TRIM9: variants seen among roughly 807,000 people sequenced by gnomAD.
The protein encoded by TRIM9 is tripartite motif containing 9.
Under a neutral mutation model 78.3 loss-of-function variants are expected in TRIM9, and 26 were observed. The observed-to-expected ratio is 0.33, with a 90% confidence interval of 0.24 to 0.46. The LOEUF (loss-of-function observed/expected upper bound fraction) is 0.46, where lower values mean the gene tolerates loss of function less well. Ranked by LOEUF, TRIM9 falls within the 20% of genes least tolerant of loss-of-function variation. The pLI is 1.00. For missense variants in TRIM9, 787 were observed against 1,036.4 expected (o/e 0.76, Z 3.30); for synonymous variants, 398 against 416.5 (o/e 0.96, Z 0.54).
intron 7 of TRIM9, chr14:50,996,669 C>T (rs2054246472): frequency 1.0e-6 from 1 of 985,390 alleles, no homozygotes; most frequent in Non-Finnish European, 1.2e-6. Context: ...TCTTGGAGGG[C>T]TTTAGCAGTT....
At chr14:51,016,727 G>A (rs1032083711) in intron 3 of TRIM9, among the ~76,000 whole-genome samples, 3 of 152,036 alleles carry the variant, frequency 2.0e-5, no homozygotes, top group Admixed American at 1.3e-4. Context: ...TGTACTCCAT[G>A]GAAAACAACT....
chr14:51,039,755 C>CT (rs34171875), intron 1 of TRIM9, among the ~76,000 whole-genome samples: 42,968 of 147,768 alleles, frequency 0.29, 6,538 homozygotes, highest in Non-Finnish European at 0.35. Flanking sequence ...TTTAAATAAA[C>CT]TTTTTTTTTT....
At chr14:50,980,841 A>G (rs574033332) in intron 11 of TRIM9, among the ~76,000 whole-genome samples, 62 of 152,384 alleles carry the variant, frequency 4.1e-4, no homozygotes, top group African/African-American at 1.5e-3. Context: ...GAAGCTATCC[A>G]AGGGAAAAGG....
intron 1 of TRIM9, among the ~76,000 whole-genome samples, chr14:51,083,839 A>G (rs1404075955): frequency 6.6e-6 from 1 of 152,214 alleles, no homozygotes; most frequent in Non-Finnish European, 1.5e-5. Context: ...TTTAACCAAA[A>G]TAGTATTTAG....
intron 1 of TRIM9, among the ~76,000 whole-genome samples, chr14:51,026,629 A>G (rs1343989290): frequency 6.6e-6 from 1 of 152,124 alleles, no homozygotes; most frequent in Admixed American, 6.5e-5. Context: ...TTAAAATTAT[A>G]TCTCTTGGTG....
chr14:51,039,608 T>A (rs1241767315), intron 1 of TRIM9, among the ~76,000 whole-genome samples: 2 of 152,196 alleles, frequency 1.3e-5, no homozygotes, highest in African/African-American at 4.8e-5. Flanking sequence ...CCAGGTTGAC[T>A]GGCAAGTGTC....
intron 1 of TRIM9, among the ~76,000 whole-genome samples, chr14:51,083,872 T>C (rs562995301): frequency 2.6e-5 from 4 of 152,254 alleles, no homozygotes; most frequent in Non-Finnish European, 5.9e-5. Context: ...GACTTGAGAG[T>C]TAAACAGCGT....
chr14:50,981,008 G>A (rs1313533937), intron 11 of TRIM9, among the ~76,000 whole-genome samples: 5 of 150,870 alleles, frequency 3.3e-5, no homozygotes, highest in Admixed American at 1.3e-4. Flanking sequence ...AGACACTAAT[G>A]AGAATGTATC....
At chr14:51,071,639 C>A (rs1001576073) in intron 1 of TRIM9, among the ~76,000 whole-genome samples, 3 of 151,358 alleles carry the variant, frequency 2.0e-5, no homozygotes, top group African/African-American at 4.9e-5. Flanking sequence ...TTTGTCTCTA[C>A]TAAAAATAAA....
chr14:51,036,653 G>C (rs1457194063), intron 1 of TRIM9, among the ~76,000 whole-genome samples: 1 of 152,170 alleles, frequency 6.6e-6, no homozygotes, highest in Non-Finnish European at 1.5e-5. Flanking sequence ...GTCTTGACAT[G>C]ATCAGTACAG....
intron 1 of TRIM9, among the ~76,000 whole-genome samples, chr14:51,087,055 C>T (rs1476938069): frequency 6.6e-6 from 1 of 152,034 alleles, no homozygotes; most frequent in Non-Finnish European, 1.5e-5. Flanking sequence ...GCAGGTGTAA[C>T]TCTGGTAGGT....
intron 7 of TRIM9, chr14:50,996,780 A>G (rs751252827): frequency 4.1e-6 from 4 of 985,310 alleles, no homozygotes; most frequent in Admixed American, 6.1e-5. Context: ...TGTAGCTACC[A>G]CATCACTGTA....
intron 6 of TRIM9, among the ~76,000 whole-genome samples, chr14:51,000,385 G>A (rs958175955): frequency 6.6e-6 from 1 of 152,194 alleles, no homozygotes. Flanking sequence ...AGACTCAAAG[G>A]GGTGATAATT....
chr14:50,982,485 C>T (rs1190257219), intron 10 of TRIM9, among the ~76,000 whole-genome samples: 1 of 152,072 alleles, frequency 6.6e-6, no homozygotes, highest in Non-Finnish European at 1.5e-5. Flanking sequence ...GGCGGGGAGG[C>T]TAGGAGCTAG....
At chr14:51,057,348 A>G (rs1250228553) in intron 1 of TRIM9, among the ~76,000 whole-genome samples, 1 of 152,236 alleles carries the variant, frequency 6.6e-6, no homozygotes, top group Non-Finnish European at 1.5e-5. Flanking sequence ...AAATTACCAA[A>G]TTACCAAAGT....
intron 1 of TRIM9, among the ~76,000 whole-genome samples, chr14:51,062,609 T>A (rs1025688280): frequency 6.6e-6 from 1 of 152,212 alleles, no homozygotes. Context: ...GGGAGGGATA[T>A]CAAGGATAGT....
chr14:51,001,516 A>G (rs1372142903), intron 5 of TRIM9, among the ~76,000 whole-genome samples: 2 of 152,200 alleles, frequency 1.3e-5, no homozygotes, highest in East Asian at 3.9e-4. Context: ...GGCGTGAGCC[A>G]CCGCGCCCGG....
At chr14:51,058,870 C>T (rs187251916) in intron 1 of TRIM9, among the ~76,000 whole-genome samples, 6 of 152,268 alleles carry the variant, frequency 3.9e-5, no homozygotes, top group South Asian at 4.1e-4. Flanking sequence ...GATTCTTAAA[C>T]ATAGTGAGTT....
At chr14:51,083,932 C>T (rs771399062) in intron 1 of TRIM9, among the ~76,000 whole-genome samples, 1 of 152,126 alleles carries the variant, frequency 6.6e-6, no homozygotes, top group African/African-American at 2.4e-5. Context: ...TCACTCAACC[C>T]CTTGAAAATA....
Sources: gnomAD v4.1 joint callset for allele counts (sites outside exome capture counted in the v4.1 genomes callset) on GRCh38, gnomAD v4.1.1 for gene constraint, MANE v1.5 for transcripts, NCBI Gene and HGNC (gene_info 2026-07-23, HGNC 2026-07-21) for gene names.